The following NUP155 variants were observed in gnomAD, a reference collection of about 807,000 sequenced individuals.
NUP155 encodes nucleoporin 155, also known as nuclear pore complex protein Nup155.
Under a neutral mutation model 180.4 loss-of-function variants are expected in NUP155, and 71 were observed. That is an observed-to-expected ratio of 0.39 (90% CI 0.33 to 0.48). NUP155 has a LOEUF of 0.48. Ranked by LOEUF, NUP155 falls within the 20% of genes least tolerant of loss-of-function variation. The pLI is 0.91. For missense variants in NUP155, 1,553 were observed against 1,648.9 expected, an observed-to-expected ratio of 0.94 and a Z score of 1.01; for synonymous variants, 582 against 559.5, an observed-to-expected ratio of 1.04 and a Z score of -0.57.
At chr5:37,336,558 C>G (rs1353872677) in intron 12 of NUP155, among the ~76,000 whole-genome samples, 1 of 152,162 alleles carries the variant, frequency 6.6e-6, no homozygotes, top group East Asian at 1.9e-4. Flanking sequence ...GTAGTAGGTA[C>G]GATTATAACT....
Position 37,331,740 on chromosome 5 carries a change from A to G in NUP155, c.1574T>C (p.Val525Ala). 6.2e-7 allele frequency: 1 copy of G among 1,611,874 alleles called. No homozygotes were observed. The highest frequency in any genetic ancestry group is 1.1e-5 in the South Asian group (1 of 91,058). Residue 525 changes from valine to alanine, a missense_variant, in exon 14 of 35, where the codon GTG becomes GCG. By Grantham distance (64) the Val-to-Ala change is moderately conservative. Coordinates refer to ENST00000231498, the MANE Select transcript of NUP155 (RefSeq NM_153485.3). Reference sequence around the variant, plus strand: ...TTCTCCATCTCCTCCCACATTACTCACAAGTAGATGCCTCAGTTGATCTAC... The same window carrying G: ...TTCTCCATCTCCTCCCACATTACTCGCAAGTAGATGCCTCAGTTGATCTAC... ...RPVDQLRHLLVSNVGGDGEEI... is the reference protein window; with the variant it reads ...RPVDQLRHLLASNVGGDGEEI...
At chr5:37,345,886 G>T (rs1462807447) in intron 9 of NUP155, among the ~76,000 whole-genome samples, 1 of 140,070 alleles carries the variant, frequency 7.1e-6, no homozygotes, top group African/African-American at 2.7e-5. Context: ...CCTGGGTGAC[G>T]TGACAGAGTG....
Position 37,341,251 on chromosome 5 carries a change from G to A in NUP155, c.1094-9C>T. The A allele has an allele frequency of 1.2e-6, 2 of 1,612,526 alleles. No homozygotes were observed. The highest frequency in any genetic ancestry group is 1.7e-6 in the Non-Finnish European group (2 of 1,178,588). Reference sequence around the variant, plus strand: ...AAAATATAACCTAACACCTGAAGATGGGGTAAAATTATGCATCAGTAATAG... The same window carrying A: ...AAAATATAACCTAACACCTGAAGATAGGGTAAAATTATGCATCAGTAATAG... On this transcript the variant is annotated splice_polypyrimidine_tract_variant and intron_variant, in intron 10 of 34. Coordinates refer to ENST00000231498, the MANE Select transcript of NUP155 (RefSeq NM_153485.3).
chr5:37,367,539 T>G (rs1442636842), intron 1 of NUP155, among the ~76,000 whole-genome samples: 1 of 150,434 alleles, frequency 6.6e-6, no homozygotes, highest in African/African-American at 2.4e-5. Flanking sequence ...TTTTTCCTTT[T>G]TTTTTTTTTT....
chr5:37,364,828 G>C (rs6871254), intron 1 of NUP155, among the ~76,000 whole-genome samples: 8,242 of 151,514 alleles, frequency 0.054, 707 homozygotes, highest in African/African-American at 0.18. Context: ...AGTAGAAACG[G>C]GGTTTCACCG....
At chr5:37,367,633 C>T (rs557463053) in intron 1 of NUP155, among the ~76,000 whole-genome samples, 22 of 145,166 alleles carry the variant, frequency 1.5e-4, no homozygotes, top group South Asian at 1.3e-3. Context: ...CCCGGGTTCA[C>T]ACCATTCTCC....
chr5:37,365,989 AAAC>A (rs35312457), intron 1 of NUP155, among the ~76,000 whole-genome samples: 5,412 of 151,994 alleles, frequency 0.036, 327 homozygotes, highest in African/African-American at 0.12. Flanking sequence ...TTATAGATTA[AAAC>A]AACCCATGAC....
At chr5:37,358,040 A>G in intron 4 of NUP155, 41 bp downstream of exon 4, 1 of 1,354,806 alleles carries the variant, frequency 7.4e-7, no homozygotes, top group South Asian at 1.2e-5. Context: ...TGGAGTTTAC[A>G]TATACAAACA....
intron 20 of NUP155, among the ~76,000 whole-genome samples, chr5:37,321,051 A>G (rs1744210715): frequency 6.6e-6 from 1 of 152,340 alleles, no homozygotes; most frequent in East Asian, 1.9e-4. Context: ...GGAGAAAAAA[A>G]TCAAACATTT....
intron 3 of NUP155, among the ~76,000 whole-genome samples, chr5:37,363,497 AAAAT>A (rs1269022440): frequency 6.6e-6 from 1 of 152,216 alleles, no homozygotes; most frequent in Non-Finnish European, 1.5e-5. Flanking sequence ...AAATGACAAC[AAAAT>A]AAATAAATAT....
In NUP155 at chr5:37,325,958, C is replaced by G. The variant is rs1744575553; in HGVS notation, c.2034G>C (p.Trp678Cys). 6.2e-7 allele frequency: 1 copy of G among 1,608,884 alleles called. No homozygotes were observed. The highest frequency in any genetic ancestry group is 8.5e-7 in the Non-Finnish European group (1 of 1,177,016). The change falls in exon 19 of 35, where the codon TGG becomes TGC. Residue 678 changes from tryptophan to cysteine, a missense_variant. Trp to Cys is a radical substitution (Grantham distance 215). Transcript: ENST00000231498. ...IYFSRIMGNI[W>C]DASLVVERIF... ...TTCTCTCCACAACTAAGCTTGCATC[C>G]CAAATGTTTCTGGAAAAAAAAAAGT...
At chr5:37,360,997 G>A (rs1057087015) in intron 3 of NUP155, among the ~76,000 whole-genome samples, 2 of 151,960 alleles carry the variant, frequency 1.3e-5, no homozygotes, top group South Asian at 2.1e-4. Flanking sequence ...GGCTGGGTGC[G>A]GTGGCTCATG....
intron 33 of NUP155, among the ~76,000 whole-genome samples, chr5:37,294,025 A>AAAAAAAAAAAAAAAAT: frequency 2.6e-5 from 2 of 76,040 alleles, no homozygotes; most frequent in Middle Eastern, 0.011. Flanking sequence ...AAAAAAAAAA[A>AAAAAAAAAAAAAAAAT]AAATAAAGCA....
At chr5:37,364,703 C>T (rs1028583494) in intron 1 of NUP155, among the ~76,000 whole-genome samples, 2 of 151,298 alleles carry the variant, frequency 1.3e-5, no homozygotes, top group Non-Finnish European at 2.9e-5. Flanking sequence ...GTGGCACAAT[C>T]TCGGCTCACT....
At chr5:37,345,059 T>C (rs1263654322) in intron 9 of NUP155, among the ~76,000 whole-genome samples, 22 of 149,550 alleles carry the variant, frequency 1.5e-4, no homozygotes, top group Non-Finnish European at 7.4e-5. Context: ...TGTCCGTGCC[T>C]GTGGTCCCAG....
chr5:37,302,153 T>C (rs1170231924), intron 29 of NUP155, among the ~76,000 whole-genome samples: 1 of 152,246 alleles, frequency 6.6e-6, no homozygotes, highest in Non-Finnish European at 1.5e-5. Context: ...TTCATACATC[T>C]ACTTATTTGC....
intron 9 of NUP155, among the ~76,000 whole-genome samples, chr5:37,346,773 G>A (rs537695826): frequency 6.6e-6 from 1 of 152,174 alleles, no homozygotes; most frequent in Non-Finnish European, 1.5e-5. Flanking sequence ...TGGCTTCCGC[G>A]TTAGGTTCTT....
At chr5:37,302,414 T>G (rs911592818) in intron 29 of NUP155, among the ~76,000 whole-genome samples, 5 of 152,144 alleles carry the variant, frequency 3.3e-5, no homozygotes, top group Admixed American at 3.3e-4. Context: ...TGTATTTTTT[T>G]AAGTAGAGAC....
chr5:37,335,379 A>C, intron 12 of NUP155, among the ~76,000 whole-genome samples: 1 of 56,494 alleles, frequency 1.8e-5, no homozygotes, highest in Admixed American at 2.0e-4. Flanking sequence ...ACCCTGTCTC[A>C]GAAAAAAAAA....
Sources: gnomAD v4.1 joint callset for allele counts (sites outside exome capture counted in the v4.1 genomes callset) on GRCh38, gnomAD v4.1.1 for gene constraint, MANE v1.5 for transcripts, NCBI Gene and HGNC (gene_info 2026-07-23, HGNC 2026-07-21) for gene names.